SAXO1: variants seen among roughly 807,000 people sequenced by gnomAD.
SAXO1 encodes 4930500O09Rik.
SAXO1 carries 21 observed loss-of-function variants against 17.5 expected under a neutral mutation model. The observed-to-expected ratio is 1.20, with a 90% CI of 0.85 to 1.72. SAXO1 has a LOEUF of 1.72. SAXO1 is among the 40% of genes most tolerant of loss of function. SAXO1 has a pLI of 0.00. For missense variants in SAXO1, 843 were observed against 596.0 expected (o/e 1.41, Z -4.32); for synonymous variants, 274 against 216.5 (o/e 1.27, Z -2.33).
At chr9:18,952,900 G>T (rs1461633973) in intron 1 of SAXO1, among the ~76,000 whole-genome samples, 1 of 152,058 alleles carries the variant, frequency 6.6e-6, no homozygotes, top group Non-Finnish European at 1.5e-5. Context: ...CTAATTGTTG[G>T]CAAATAAATT....
At chr9:19,006,765 G>C (rs1834497271) in intron 1 of SAXO1, among the ~76,000 whole-genome samples, 1 of 152,208 alleles carries the variant, frequency 6.6e-6, no homozygotes, top group Non-Finnish European at 1.5e-5. Flanking sequence ...TTAAAATGAG[G>C]CCAGGTGTGG....
rs111275517 is a variant in SAXO1, at chr9:18,991,263, A to G, written c.39-40326T>C. ...GTGACAGAGCGAGACTCACACATGC[A>G]CACTTATGTTTACTGCAGCACTATT... On this transcript the variant is annotated intron_variant, in intron 1 of 3. Coordinates refer to ENST00000380534, the MANE Select transcript of SAXO1 (RefSeq NM_153707.4). Among the ~76,000 whole-genome samples the G allele has an allele frequency of 7.2e-3, 1,094 of 152,332 alleles. 10 individuals are homozygous for G. The highest frequency in any genetic ancestry group is 0.025 in the African/African-American group (1,050 of 41,568).
chr9:18,944,614 A>G (rs879444158), intron 2 of SAXO1, among the ~76,000 whole-genome samples: 1 of 152,216 alleles, frequency 6.6e-6, no homozygotes, highest in African/African-American at 2.4e-5. Context: ...AGTAGCTATA[A>G]AAGTTATAGA....
chr9:19,004,264 G>T (rs1834401322), intron 1 of SAXO1, among the ~76,000 whole-genome samples: 2 of 152,296 alleles, frequency 1.3e-5, no homozygotes, highest in Middle Eastern at 6.8e-3. Context: ...GGAGAAATAG[G>T]AATGCTTTTA....
At chr9:18,987,725 C>T (rs1833652672) in intron 1 of SAXO1, among the ~76,000 whole-genome samples, 1 of 151,842 alleles carries the variant, frequency 6.6e-6, no homozygotes, top group Admixed American at 6.6e-5. Flanking sequence ...AGAGGGAGAC[C>T]TCATCTCTAC....
chr9:19,022,548 A>C (rs772348051), intron 1 of SAXO1, among the ~76,000 whole-genome samples: 3 of 152,244 alleles, frequency 2.0e-5, no homozygotes, highest in African/African-American at 7.2e-5. Context: ...AGAAGACTTG[A>C]AATGCATCAT....
intron 1 of SAXO1, among the ~76,000 whole-genome samples, chr9:19,005,799 G>A (rs1027667362): frequency 6.6e-6 from 1 of 152,166 alleles, no homozygotes; most frequent in African/African-American, 2.4e-5. Context: ...AAACTTCTGT[G>A]TAAACAACGC....
intron 1 of SAXO1, among the ~76,000 whole-genome samples, chr9:18,965,327 T>A (rs1256936570): frequency 6.6e-6 from 1 of 152,238 alleles, no homozygotes; most frequent in South Asian, 2.1e-4. Context: ...TTTTGTCTTG[T>A]TGACCTAATA....
chr9:19,027,558 C>A, intron 1 of SAXO1: 3 of 1,245,660 alleles, frequency 2.4e-6, no homozygotes, highest in Non-Finnish European at 3.6e-6. Context: ...GCCTGTAGGG[C>A]ACAGACTAAG....
intron 1 of SAXO1, among the ~76,000 whole-genome samples, chr9:18,963,482 G>A (rs1832578742): frequency 6.6e-6 from 1 of 152,156 alleles, no homozygotes; most frequent in Admixed American, 6.5e-5. Context: ...TCCTTGAGCA[G>A]TGGCTTGTAG....
chr9:19,048,797 T>C (rs576474297), intron 1 of SAXO1, among the ~76,000 whole-genome samples: 127 of 152,364 alleles, frequency 8.3e-4, no homozygotes, highest in South Asian at 4.8e-3. Flanking sequence ...GGATTCCACA[T>C]TATCATTTCC....
chr9:19,019,635 A>G (rs1176298978), intron 1 of SAXO1, among the ~76,000 whole-genome samples: 1 of 152,146 alleles, frequency 6.6e-6, no homozygotes, highest in African/African-American at 2.4e-5. Flanking sequence ...GGGCTAAGGC[A>G]GGAGAAATCA....
intron 1 of SAXO1, among the ~76,000 whole-genome samples, chr9:19,023,419 A>C (rs941838917): frequency 2.9e-4 from 44 of 152,124 alleles, no homozygotes; most frequent in African/African-American, 1.0e-3. Flanking sequence ...TCCTCTCAAT[A>C]ACTCTGTTGA....
At chr9:18,951,659 T>C (rs879830733) in intron 1 of SAXO1, among the ~76,000 whole-genome samples, 1 of 152,204 alleles carries the variant, frequency 6.6e-6, no homozygotes. Flanking sequence ...TTTTCTCCCA[T>C]CACCCTGTGT....
intron 1 of SAXO1, among the ~76,000 whole-genome samples, chr9:18,998,789 A>C (rs1329211298): frequency 6.6e-6 from 1 of 152,152 alleles, no homozygotes. Flanking sequence ...TACAAGCCAG[A>C]AAAAGGGGCC....
At chr9:18,963,197 C>G (rs562387785) in intron 1 of SAXO1, among the ~76,000 whole-genome samples, 1 of 152,206 alleles carries the variant, frequency 6.6e-6, no homozygotes, top group South Asian at 2.1e-4. Flanking sequence ...TTTTGGTTAT[C>G]GTAGCCTTGT....
chr9:18,968,796 G>A (rs1832835620), intron 1 of SAXO1, among the ~76,000 whole-genome samples: 1 of 152,124 alleles, frequency 6.6e-6, no homozygotes, highest in South Asian at 2.1e-4. Context: ...GCTTCCCCAT[G>A]TTGGCCAGGC....
At chr9:19,043,496 G>A (rs1836129129) in intron 1 of SAXO1, among the ~76,000 whole-genome samples, 1 of 152,124 alleles carries the variant, frequency 6.6e-6, no homozygotes, top group Admixed American at 6.5e-5. Flanking sequence ...GCCAGGCATG[G>A]TGGCTCACAC....
chr9:18,977,326 T>G (rs552440266), intron 1 of SAXO1, among the ~76,000 whole-genome samples: 15 of 152,302 alleles, frequency 9.8e-5, no homozygotes, highest in African/African-American at 3.6e-4. Context: ...TAGTAATAAT[T>G]TTATTACCAT....
Sources: allele counts gnomAD v4.1 joint callset (sites outside exome capture counted in the v4.1 genomes callset), GRCh38; gene constraint gnomAD v4.1.1; transcripts MANE v1.5; gene names NCBI Gene and HGNC (gene_info 2026-07-23, HGNC 2026-07-21).